The following TMC1 variants were observed in gnomAD, a reference collection of about 807,000 sequenced individuals.
The protein encoded by TMC1 is transmembrane channel like 1.
TMC1 carries 84 observed loss-of-function variants against 105.8 expected under a neutral mutation model. The ratio of observed to expected loss-of-function variants is 0.79; its 90% CI spans 0.67 to 0.95. The LOEUF is 0.95. Ranked by LOEUF, TMC1 falls within the 40% of genes least tolerant of loss-of-function variation. The probability of loss-of-function intolerance (pLI) is 0.00; values close to 1 mark genes in which losing one functional copy is unlikely to be tolerated. For synonymous variants in TMC1, 315 were observed against 311.5 expected, an observed-to-expected ratio of 1.01 and a Z score of -0.12; for missense variants, 817 against 914.1, an observed-to-expected ratio of 0.89 and a Z score of 1.37.
intron 2 of TMC1, among the ~76,000 whole-genome samples, chr9:72,614,058 C>T (rs1825080766): frequency 6.6e-6 from 1 of 152,144 alleles, no homozygotes; most frequent in South Asian, 2.1e-4. Context: ...TATATATTAT[C>T]CTAAAACTAT....
intron 18 of TMC1, among the ~76,000 whole-genome samples, chr9:72,812,349 TA>T (rs1045681811): frequency 3.9e-5 from 6 of 152,278 alleles, no homozygotes; most frequent in African/African-American, 1.2e-4. Context: ...CAGCATCCCA[TA>T]AGGGGTTGAG....
chr9:72,740,024 C>T, intron 8 of TMC1, 95 bp from the exon 9 acceptor site: 1 of 933,110 alleles, frequency 1.1e-6, no homozygotes, highest in Non-Finnish European at 1.7e-6. Flanking sequence ...AGAAATAAGA[C>T]TGCAGACCTG....
At chr9:72,775,555 A>G (rs770095031) in intron 13 of TMC1, among the ~76,000 whole-genome samples, 1 of 152,216 alleles carries the variant, frequency 6.6e-6, no homozygotes, top group Non-Finnish European at 1.5e-5. Flanking sequence ...AAACTACTGG[A>G]AGCAGTTGAA....
intron 20 of TMC1, among the ~76,000 whole-genome samples, chr9:72,823,871 G>A (rs375895118): frequency 6.6e-6 from 1 of 152,102 alleles, no homozygotes. Context: ...AAACATTGTA[G>A]AAATATTTTT....
chr9:72,790,759 A>G (rs1828252802), intron 15 of TMC1, among the ~76,000 whole-genome samples: 1 of 152,188 alleles, frequency 6.6e-6, no homozygotes, highest in Admixed American at 6.5e-5. Flanking sequence ...TTTGCCTTGC[A>G]TAAGTTTGCA....
chr9:72,730,084 A>G (rs1217687862), intron 8 of TMC1, among the ~76,000 whole-genome samples: 1 of 152,192 alleles, frequency 6.6e-6, no homozygotes, highest in Non-Finnish European at 1.5e-5. Flanking sequence ...TTGATTACAA[A>G]GACTACAATT....
chr9:72,756,530 C>G (rs1827678960), intron 12 of TMC1, among the ~76,000 whole-genome samples: 1 of 152,104 alleles, frequency 6.6e-6, no homozygotes, highest in Non-Finnish European at 1.5e-5. Context: ...ATTTATCTCT[C>G]TCACTTTCAA....
chr9:72,685,581 CTTAAA>C (rs1826367827), intron 5 of TMC1, among the ~76,000 whole-genome samples: 1 of 152,038 alleles, frequency 6.6e-6, no homozygotes, highest in Non-Finnish European at 1.5e-5. Flanking sequence ...CCAGGCTGGT[CTTAAA>C]CTCCTGACCT....
At chr9:72,703,961 T>C (rs1826688077) in intron 8 of TMC1, among the ~76,000 whole-genome samples, 1 of 152,204 alleles carries the variant, frequency 6.6e-6, no homozygotes, top group African/African-American at 2.4e-5. Context: ...TTGAATGCTC[T>C]ATTGAGCTTT....
chr9:72,674,720 TC>T (rs940983700), intron 5 of TMC1, among the ~76,000 whole-genome samples: 2 of 152,206 alleles, frequency 1.3e-5, no homozygotes, highest in African/African-American at 4.8e-5. Context: ...CCTTGGCCTT[TC>T]CCTGCTAGAA....
intron 1 of TMC1, among the ~76,000 whole-genome samples, chr9:72,533,765 TCTCTCTCTCCCTTC>T (rs1234245278): frequency 6.6e-6 from 1 of 152,154 alleles, no homozygotes; most frequent in Non-Finnish European, 1.5e-5. Context: ...TTCATGCGTT[TCTCTCTCTCCCTTC>T]CTCTCTCTCT....
intron 12 of TMC1, among the ~76,000 whole-genome samples, chr9:72,755,609 A>G (rs1458407597): frequency 6.6e-6 from 1 of 152,232 alleles, no homozygotes; most frequent in African/African-American, 2.4e-5. Flanking sequence ...GTCTTCGACA[A>G]CAATGTAATT....
chr9:72,806,476 CG>C (rs1379924268), intron 18 of TMC1, among the ~76,000 whole-genome samples: 1 of 150,650 alleles, frequency 6.6e-6, no homozygotes, highest in African/African-American at 2.5e-5. Context: ...GGGTGGCTGC[CG>C]GGCGGAGAGG....
At chr9:72,759,617 G>A (rs1827723893) in intron 12 of TMC1, among the ~76,000 whole-genome samples, 1 of 152,154 alleles carries the variant, frequency 6.6e-6, no homozygotes, top group Admixed American at 6.5e-5. Flanking sequence ...TGACATCTCT[G>A]TCTGACTCTG....
chr9:72,600,541 C>T (rs377423815), intron 2 of TMC1, among the ~76,000 whole-genome samples: 145 of 152,074 alleles, frequency 9.5e-4, no homozygotes, highest in East Asian at 1.9e-3. Flanking sequence ...GGAATATGGT[C>T]GTTTGGTGTT....
At chr9:72,825,345 A>C (rs965206153) in intron 20 of TMC1, among the ~76,000 whole-genome samples, 1 of 152,202 alleles carries the variant, frequency 6.6e-6, no homozygotes, top group Non-Finnish European at 1.5e-5. Flanking sequence ...ACTGGAAAAC[A>C]ATTCTGAGAA....
chr9:72,790,191 C>T (rs1288820011), intron 15 of TMC1, among the ~76,000 whole-genome samples: 5 of 151,920 alleles, frequency 3.3e-5, no homozygotes, highest in East Asian at 3.9e-4. Flanking sequence ...TGTAGACTTC[C>T]CACACTGAAA....
At chr9:72,565,427 A>C (rs938893504) in intron 1 of TMC1, among the ~76,000 whole-genome samples, 1 of 152,212 alleles carries the variant, frequency 6.6e-6, no homozygotes, top group East Asian at 1.9e-4. Context: ...ACAAATTGAA[A>C]GTGAAGAAGG....
chr9:72,606,661 T>C (rs367620438), intron 2 of TMC1, among the ~76,000 whole-genome samples: 4 of 152,334 alleles, frequency 2.6e-5, no homozygotes, highest in South Asian at 4.1e-4. Context: ...ATATTTACTA[T>C]AAAAATACTT....
Sources: gnomAD v4.1 joint callset for allele counts (sites outside exome capture counted in the v4.1 genomes callset) on GRCh38, gnomAD v4.1.1 for gene constraint, MANE v1.5 for transcripts, NCBI Gene and HGNC (gene_info 2026-07-23, HGNC 2026-07-21) for gene names.